Variants in IFT52 observed in about 807,000 individuals in gnomAD.
IFT52 encodes intraflagellar transport protein 52 homolog.
A neutral mutation model predicts 54.4 loss-of-function variants in IFT52; 44 were observed. That is an observed-to-expected ratio of 0.81 (90% confidence interval 0.63 to 1.04). The LOEUF is 1.04. Ranked by LOEUF, IFT52 falls within the 50% of genes least tolerant of loss-of-function variation. IFT52 has a pLI of 0.00. For synonymous variants in IFT52, 181 were observed against 185.3 expected (o/e 0.98, Z 0.19); for missense variants, 452 against 523.6 (o/e 0.86, Z 1.33).
intron 7 of IFT52, among the ~76,000 whole-genome samples, chr20:43,617,579 G>T (rs1983957366): frequency 6.6e-6 from 1 of 152,076 alleles, no homozygotes; most frequent in South Asian, 2.1e-4. Flanking sequence ...GAGTAGTTGG[G>T]ATTACAGGCA....
In IFT52 at chr20:43,645,354, G is replaced by A. The variant is rs1986138316; in HGVS notation, c.1267-1582G>A. On this transcript the variant is annotated intron_variant, in intron 13 of 13. Transcript: ENST00000373030. ...AGGTGGATCACGAGGTCAGGAGATC[G>A]AGACCATACTGGCTAACACAGTGAA... is the stretch of plus-strand genomic sequence containing the variant. 3.6e-5 allele frequency among the ~76,000 whole-genome samples: 2 copies of A among 55,526 alleles called. 1 individual carries two copies. The highest frequency in any genetic ancestry group is 8.5e-5 in the Non-Finnish European group (2 of 23,584). The allele number at this position is 55,526 out of a possible 152,430, so 36.4% of individuals were successfully genotyped here. A position where few individuals can be genotyped will look rare whatever the true frequency, so the allele number is the denominator to read the frequency against.
At chr20:43,622,809 TATAA>T (rs1984439491) in intron 9 of IFT52, among the ~76,000 whole-genome samples, 1 of 148,412 alleles carries the variant, frequency 6.7e-6, no homozygotes, top group Non-Finnish European at 1.5e-5. Context: ...TATATGTAAA[TATAA>T]ATATATACAT....
intron 6 of IFT52, among the ~76,000 whole-genome samples, chr20:43,606,645 G>T (rs1163832473): frequency 6.6e-6 from 1 of 151,756 alleles, no homozygotes; most frequent in African/African-American, 2.4e-5. Context: ...GGGGGATTTG[G>T]CAGGGTCATA....
At chr20:43,605,571 G>C (rs1982799473) in intron 6 of IFT52, among the ~76,000 whole-genome samples, 1 of 152,014 alleles carries the variant, frequency 6.6e-6, no homozygotes, top group Non-Finnish European at 1.5e-5. Context: ...ATGGTATTTA[G>C]ATTTCTAGGT....
intron 3 of IFT52, among the ~76,000 whole-genome samples, chr20:43,597,891 A>AC: frequency 1.5e-4 from 1 of 6,844 alleles, no homozygotes; most frequent in Non-Finnish European, 4.1e-4. Context: ...AGACTCTTTC[A>AC]AAAAAAAAAA....
At chr20:43,641,702 G>A (rs1160510250) in intron 12 of IFT52, among the ~76,000 whole-genome samples, 1 of 151,560 alleles carries the variant, frequency 6.6e-6, no homozygotes, top group African/African-American at 2.4e-5. Context: ...CACCATGCTG[G>A]CCAGGCTGGT....
At position 43,642,317 on chromosome 20, in the gene IFT52, G is replaced by A. The variant is rs530131365; in HGVS notation, c.1121-162G>A. The A allele has an allele frequency of 1.1e-5, 7 of 633,630 alleles. No homozygotes were observed. The East Asian group carries it at 1.1e-4, about 10-fold the overall frequency. 39.3% of individuals were successfully genotyped at this position (633,630 alleles called of 1,614,324 possible). A position where few individuals can be genotyped will look rare whatever the true frequency, so the allele number is the denominator to read the frequency against. On this transcript the variant is annotated intron_variant, in intron 12 of 13. Coordinates refer to ENST00000373030, the MANE Select transcript of IFT52 (RefSeq NM_016004.5). ...AAGCAGCACATTAGAGAGCTCTAGG[G>A]TTTTTCAGTGTTGAAATCCTGTAGT...
intron 3 of IFT52, among the ~76,000 whole-genome samples, chr20:43,596,843 G>A (rs904721694): frequency 2.7e-5 from 4 of 146,494 alleles, no homozygotes; most frequent in Non-Finnish European, 5.9e-5. Flanking sequence ...CCGGGTTCAA[G>A]CAATTCTCAC....
intron 11 of IFT52, 40 bp downstream of exon 11, chr20:43,636,053 A>G (rs991448074): frequency 6.3e-7 from 1 of 1,582,680 alleles, no homozygotes; most frequent in Non-Finnish European, 8.7e-7. Flanking sequence ...GCAGAGCCCC[A>G]CTGTTGCCCT....
At chr20:43,626,084 G>T (rs1340690991) in intron 10 of IFT52, among the ~76,000 whole-genome samples, 2 of 149,226 alleles carry the variant, frequency 1.3e-5, no homozygotes, top group Non-Finnish European at 3.0e-5. Context: ...AGTAGATTTT[G>T]CAGGAAGAGC....
chr20:43,630,459 G>A (rs966279386), intron 10 of IFT52, among the ~76,000 whole-genome samples: 4 of 152,162 alleles, frequency 2.6e-5, no homozygotes, highest in South Asian at 2.1e-4. Context: ...CTGGCTTCTG[G>A]TGTCTATATG....
chr20:43,604,621 C>A (rs889760317), intron 5 of IFT52, among the ~76,000 whole-genome samples: 1 of 152,028 alleles, frequency 6.6e-6, no homozygotes, highest in African/African-American at 2.4e-5. Context: ...ACTCTCATTT[C>A]TTCTACATAA....
intron 5 of IFT52, 128 bp from the exon 6 acceptor site, chr20:43,604,874 A>T: frequency 1.2e-6 from 1 of 841,476 alleles, no homozygotes; most frequent in African/African-American, 1.7e-5. Flanking sequence ...AACACAGTTC[A>T]CTGCAGCCTT....
intron 10 of IFT52, among the ~76,000 whole-genome samples, chr20:43,626,136 G>A (rs529590986): frequency 3.9e-5 from 6 of 152,004 alleles, no homozygotes; most frequent in African/African-American, 1.2e-4. Context: ...ATGTCAATTA[G>A]GTATCCAGAT....
intron 10 of IFT52, among the ~76,000 whole-genome samples, chr20:43,634,794 C>T (rs1227865173): frequency 6.6e-6 from 1 of 152,114 alleles, no homozygotes; most frequent in East Asian, 1.9e-4. Flanking sequence ...CTCCCTCCTC[C>T]CAACCTCCAA....
chr20:43,617,407 CATT>C (rs768754077), intron 7 of IFT52, among the ~76,000 whole-genome samples: 54 of 150,916 alleles, frequency 3.6e-4, no homozygotes, highest in Non-Finnish European at 7.1e-4. Flanking sequence ...ATTAACCAGT[CATT>C]ATTTTATGAC....
At position 43,635,552 on chromosome 20, in the gene IFT52, C is replaced by G. The variant is rs187217519; in HGVS notation, c.924-374C>G. Among the ~76,000 whole-genome samples, 16 of 152,300 alleles carry G rather than the reference C, an allele frequency of 1.1e-4. No homozygotes were observed. In the East Asian group the frequency reaches 2.9e-3, roughly 28 times the overall value. On this transcript the variant is annotated intron_variant, in intron 10 of 13. Transcript: ENST00000373030. ...CCTCAGGTGATCCACCCACCTCGGC[C>G]TCCCAAAGTGCTAAGATTATAGGGG...
chr20:43,618,516 C>T (rs6073153), intron 7 of IFT52, among the ~76,000 whole-genome samples: 109,938 of 151,902 alleles, frequency 0.72, 40,159 homozygotes, highest in East Asian at 0.8. Context: ...GAGTCTCGCT[C>T]TGTTGCCCAG....
rs1291959112 is a variant in IFT52, at chr20:43,635,926, G to C, written c.924G>C (p.Glu308Asp). The C allele has an allele frequency of 3.7e-6, 6 of 1,613,968 alleles. No homozygotes were observed. The South Asian group carries it at 4.4e-5, about 12-fold the overall frequency. ...CTTTTTTGTTTGATTATGAACACAG[G>C]GCTCACGAGCAGCTAAATGTGAAAC... ...LDTTSFHSVIEAHEQLNVKHE... is the reference protein window; with the variant it reads ...LDTTSFHSVIDAHEQLNVKHE... The change falls in exon 11 of 14, where the codon GAG (glutamate) becomes GAC (aspartate). Residue 308 changes from glutamate to aspartate, a missense_variant and splice_region_variant. Coordinates refer to ENST00000373030, the MANE Select transcript of IFT52 (RefSeq NM_016004.5).
Sources: allele counts gnomAD v4.1 joint callset (sites outside exome capture counted in the v4.1 genomes callset), GRCh38; gene constraint gnomAD v4.1.1; transcripts MANE v1.5; gene names NCBI Gene and HGNC (gene_info 2026-07-23, HGNC 2026-07-21).